BRINP1: variants seen among roughly 807,000 people sequenced by gnomAD.
The protein encoded by BRINP1 is BMP/retinoic acid inducible neural specific 1.
Under a neutral mutation model 72.9 loss-of-function variants are expected in BRINP1, and 17 were observed. The observed-to-expected ratio is 0.23, with a 90% CI of 0.16 to 0.35. The LOEUF (loss-of-function observed/expected upper bound fraction) is 0.35, where lower values mean the gene tolerates loss of function less well. Among genes scored for constraint, BRINP1 ranks in the 10% least tolerant of loss-of-function variants. The pLI is 1.00. For synonymous variants in BRINP1, 418 were observed against 378.5 expected (o/e 1.10, Z -1.21); for missense variants, 850 against 1,001.6 (o/e 0.85, Z 2.04).
chr9:119,278,293 C>T (rs1292355031), intron 2 of BRINP1, among the ~76,000 whole-genome samples: 1 of 152,134 alleles, frequency 6.6e-6, no homozygotes, highest in African/African-American at 2.4e-5. Flanking sequence ...GCCCTACTGC[C>T]CTGAGGGCAC....
At chr9:119,233,595 A>G (rs950713668) in intron 5 of BRINP1, among the ~76,000 whole-genome samples, 1 of 152,134 alleles carries the variant, frequency 6.6e-6, no homozygotes, top group Non-Finnish European at 1.5e-5. Context: ...CTTTCTTTGC[A>G]GAGGATGTCA....
chr9:119,202,078 T>A (rs1220780943), intron 7 of BRINP1, among the ~76,000 whole-genome samples: 1 of 152,176 alleles, frequency 6.6e-6, no homozygotes, highest in Non-Finnish European at 1.5e-5. Context: ...ATTGGTAGAA[T>A]AGCAGAGGAG....
intron 7 of BRINP1, among the ~76,000 whole-genome samples, chr9:119,202,623 G>C (rs2118864155): frequency 6.6e-6 from 1 of 152,282 alleles, no homozygotes; most frequent in East Asian, 1.9e-4. Flanking sequence ...GAATCTTACT[G>C]TGGGTCCCTG....
At chr9:119,336,517 G>A (rs1831346446) in intron 1 of BRINP1, among the ~76,000 whole-genome samples, 1 of 152,164 alleles carries the variant, frequency 6.6e-6, no homozygotes, top group South Asian at 2.1e-4. Flanking sequence ...ACGCTGGAGA[G>A]GTGATAGAGA....
intron 5 of BRINP1, among the ~76,000 whole-genome samples, chr9:119,224,795 A>C (rs1830074021): frequency 6.6e-6 from 1 of 152,054 alleles, no homozygotes; most frequent in African/African-American, 2.4e-5. Flanking sequence ...CATGTCTCTC[A>C]CATTCCATTG....
At chr9:119,322,414 G>A (rs767012610) in intron 1 of BRINP1, among the ~76,000 whole-genome samples, 10 of 152,250 alleles carry the variant, frequency 6.6e-5, no homozygotes, top group Middle Eastern at 3.4e-3. Context: ...TAAGGGAGTC[G>A]GGTTCATCCC....
intron 2 of BRINP1, among the ~76,000 whole-genome samples, chr9:119,308,448 A>G (rs1272256229): frequency 6.6e-6 from 1 of 151,970 alleles, no homozygotes; most frequent in Non-Finnish European, 1.5e-5. Flanking sequence ...CACAAGATAA[A>G]CTCCCCATGT....
At chr9:119,249,592 C>T (rs1168247269) in intron 2 of BRINP1, among the ~76,000 whole-genome samples, 1 of 152,014 alleles carries the variant, frequency 6.6e-6, no homozygotes, top group Non-Finnish European at 1.5e-5. Context: ...TCACACTAGC[C>T]CTGTGCCAGG....
chr9:119,208,397 A>G (rs1829881696), intron 7 of BRINP1, among the ~76,000 whole-genome samples: 1 of 152,210 alleles, frequency 6.6e-6, no homozygotes, highest in Non-Finnish European at 1.5e-5. Flanking sequence ...TTTAAAATTA[A>G]ATATGAAATA....
At chr9:119,298,850 C>T (rs2118980174) in intron 2 of BRINP1, among the ~76,000 whole-genome samples, 1 of 152,290 alleles carries the variant, frequency 6.6e-6, no homozygotes, top group South Asian at 2.1e-4. Context: ...CATACTATTA[C>T]CTGCTTTCTT....
At position 119,209,664 on chromosome 9, in the gene BRINP1, A is replaced by G. The variant is rs1588164941; in HGVS notation, c.923-723T>C. Among the ~76,000 whole-genome samples the G allele has an allele frequency of 2.6e-5, 4 of 152,290 alleles. 1 individual carries two copies. The South Asian group carries it at 8.3e-4, about 32-fold the overall frequency. On this transcript the variant is annotated intron_variant, in intron 6 of 7. Coordinates refer to ENST00000265922, the MANE Select transcript of BRINP1 (RefSeq NM_014618.3). ...CAGAAGATGGTAGCTATAAAAATAA[A>G]TATGTTGAAGATAATGTTAATAAAT...
At chr9:119,335,202 A>T (rs1367146868) in intron 1 of BRINP1, among the ~76,000 whole-genome samples, 1 of 152,178 alleles carries the variant, frequency 6.6e-6, no homozygotes, top group Non-Finnish European at 1.5e-5. Flanking sequence ...AGGCTGCTTG[A>T]GCCAAGTTAC....
At chr9:119,348,114 C>T (rs1001065066) in intron 1 of BRINP1, among the ~76,000 whole-genome samples, 4 of 152,192 alleles carry the variant, frequency 2.6e-5, no homozygotes, top group Non-Finnish European at 5.9e-5. Flanking sequence ...CCTCCATGTT[C>T]CATCTACTTA....
chr9:119,251,760 C>A (rs187851378), intron 2 of BRINP1, among the ~76,000 whole-genome samples: 75 of 152,094 alleles, frequency 4.9e-4, no homozygotes, highest in African/African-American at 1.7e-3. Flanking sequence ...GGGATGTGGG[C>A]ATGGGGGAAA....
At chr9:119,280,309 G>T (rs1313016970) in intron 2 of BRINP1, among the ~76,000 whole-genome samples, 3 of 151,810 alleles carry the variant, frequency 2.0e-5, no homozygotes, top group Non-Finnish European at 4.4e-5. Context: ...TGCGATCTCG[G>T]CTCACTGCAA....
chr9:119,323,798 T>C (rs1454195482), intron 1 of BRINP1, among the ~76,000 whole-genome samples: 1 of 152,290 alleles, frequency 6.6e-6, no homozygotes, highest in East Asian at 1.9e-4. Context: ...GTTAGCAAGA[T>C]GGAGGAGGCA....
chr9:119,250,212 G>A (rs1830371956), intron 2 of BRINP1, among the ~76,000 whole-genome samples: 1 of 152,156 alleles, frequency 6.6e-6, no homozygotes. Flanking sequence ...AGCAACCTGA[G>A]GACTGTTCTA....
intron 2 of BRINP1, chr9:119,283,088 T>C: frequency 3.0e-6 from 3 of 985,284 alleles, no homozygotes; most frequent in Non-Finnish European, 3.6e-6. Context: ...AGGACCAGAC[T>C]AGCAGTTCAC....
At chr9:119,217,348 C>T (rs1045320040) in intron 5 of BRINP1, among the ~76,000 whole-genome samples, 9 of 148,934 alleles carry the variant, frequency 6.0e-5, no homozygotes, top group African/African-American at 9.9e-5. Context: ...CACACACACA[C>T]GGAGAGAAAG....
Sources: gnomAD v4.1 joint callset for allele counts (sites outside exome capture counted in the v4.1 genomes callset) on GRCh38, gnomAD v4.1.1 for gene constraint, MANE v1.5 for transcripts, NCBI Gene and HGNC (gene_info 2026-07-23, HGNC 2026-07-21) for gene names.